GALNT2: variants seen among roughly 807,000 people sequenced by gnomAD.
GALNT2 encodes polypeptide N-acetylgalactosaminyltransferase 2, also known as UDP-GalNAc:polypeptide N-acetylgalactosaminyltransferase 2.
GALNT2 carries 31 observed loss-of-function variants against 81.4 expected under a neutral mutation model. The observed-to-expected ratio is 0.38, with a 90% CI of 0.29 to 0.51. The LOEUF (loss-of-function observed/expected upper bound fraction) is 0.51. Ranked by LOEUF, GALNT2 falls within the 20% of genes least tolerant of loss-of-function variation. The pLI is 0.87. For synonymous variants in GALNT2, 303 were observed against 287.4 expected (o/e 1.05, Z -0.55); for missense variants, 629 against 765.7 (o/e 0.82, Z 2.11).
intron 1 of GALNT2, among the ~76,000 whole-genome samples, chr1:230,075,652 A>C (rs1305840554): frequency 1.3e-5 from 2 of 152,176 alleles, no homozygotes; most frequent in African/African-American, 4.8e-5. Context: ...GCAGACACGG[A>C]ATCCTTGTGG....
At chr1:230,163,034 C>T (rs1245927277) in intron 1 of GALNT2, among the ~76,000 whole-genome samples, 1 of 152,182 alleles carries the variant, frequency 6.6e-6, no homozygotes, top group Non-Finnish European at 1.5e-5. Flanking sequence ...GTTGAGTTTT[C>T]AGTGAACCTT....
Position 230,279,317 on chromosome 1 carries a change from C to G in GALNT2, c.1575C>G (p.Ile525Met). The change falls in exon 16 of 16, where the codon ATC becomes ATG. Residue 525 changes from isoleucine (I) to methionine (M), a missense_variant. By Grantham distance (10) the Ile-to-Met change is conservative. Transcript: ENST00000366672. This position sits in a 1 kb window ranked among gnomAD's most constrained non-coding sequence, Gnocchi z 4.6. ...ENDSRQKWEQ[I>M]EGNSKLRHVG... is the part of the protein sequence containing the mutation. ...GTGTCTTGCAGAAATGGGAACAGAT[C>G]GAGGGCAACTCCAAGCTGAGGCACG... is the stretch of plus-strand genomic sequence containing the variant. The G allele has an allele frequency of 6.2e-7, 1 of 1,614,054 alleles. No homozygotes were observed. Among genetic ancestry groups the G allele is most frequent in the Non-Finnish European group, 8.5e-7 (1 of 1,179,980 alleles).
At chr1:230,090,822 C>G (rs1306132271) in intron 1 of GALNT2, among the ~76,000 whole-genome samples, 1 of 152,196 alleles carries the variant, frequency 6.6e-6, no homozygotes, top group Non-Finnish European at 1.5e-5. Flanking sequence ...CTTGGGCTAT[C>G]TCAGACTTAG....
intron 3 of GALNT2, among the ~76,000 whole-genome samples, chr1:230,232,803 A>G (rs746495938): frequency 2.6e-5 from 4 of 152,210 alleles, no homozygotes; most frequent in Non-Finnish European, 4.4e-5. Flanking sequence ...AAGAAAAACC[A>G]GCCTGTCAGT....
intron 1 of GALNT2, among the ~76,000 whole-genome samples, chr1:230,060,534 C>T (rs572988000): frequency 8.1e-4 from 123 of 152,042 alleles, no homozygotes; most frequent in Middle Eastern, 3.4e-3. Context: ...ACCACCACCA[C>T]CCCCACCCAG....
intron 1 of GALNT2, among the ~76,000 whole-genome samples, chr1:230,085,278 G>C (rs762857912): frequency 6.6e-6 from 1 of 152,158 alleles, no homozygotes; most frequent in East Asian, 1.9e-4. Context: ...TAAGGAATCC[G>C]GGAGTGGCCA....
At chr1:230,102,678 CACTT>C (rs778776568) in intron 1 of GALNT2, among the ~76,000 whole-genome samples, 8 of 152,196 alleles carry the variant, frequency 5.3e-5, no homozygotes, top group Non-Finnish European at 1.0e-4. Flanking sequence ...GAATGACAGA[CACTT>C]AGTGTGATGA....
At chr1:230,215,991 G>A (rs574297034) in intron 3 of GALNT2, among the ~76,000 whole-genome samples, 1 of 152,358 alleles carries the variant, frequency 6.6e-6, no homozygotes, top group African/African-American at 2.4e-5. Flanking sequence ...CTGTCACACT[G>A]AGATGGTATT....
At chr1:230,117,518 A>C (rs1486820734) in intron 1 of GALNT2, among the ~76,000 whole-genome samples, 1 of 152,202 alleles carries the variant, frequency 6.6e-6, no homozygotes, top group African/African-American at 2.4e-5. Context: ...GGCCATTGTA[A>C]GGTTACCAAT....
intron 1 of GALNT2, among the ~76,000 whole-genome samples, chr1:230,128,572 A>G (rs1301835129): frequency 1.3e-5 from 2 of 149,134 alleles, no homozygotes; most frequent in Non-Finnish European, 3.0e-5. Context: ...GAGAAAGTAA[A>G]ACAGGAATGA....
At chr1:230,231,684 G>C (rs549784577) in intron 3 of GALNT2, among the ~76,000 whole-genome samples, 2 of 152,192 alleles carry the variant, frequency 1.3e-5, no homozygotes, top group Non-Finnish European at 2.9e-5. Context: ...GGTACTGAAA[G>C]CCATCTAATC....
chr1:230,137,236 T>A (rs983075844), intron 1 of GALNT2, among the ~76,000 whole-genome samples: 1 of 152,230 alleles, frequency 6.6e-6, no homozygotes, highest in Admixed American at 6.5e-5. Flanking sequence ...ATCAGTGATC[T>A]GTCCCGCTGC....
At chr1:230,114,929 G>T (rs4846832) in intron 1 of GALNT2, among the ~76,000 whole-genome samples, 1 of 151,120 alleles carries the variant, frequency 6.6e-6, no homozygotes, top group Admixed American at 6.6e-5. Flanking sequence ...GTTTCCCTTC[G>T]CAAGAGTTAT....
At chr1:230,131,033 T>C (rs1481687006) in intron 1 of GALNT2, among the ~76,000 whole-genome samples, 20 of 152,120 alleles carry the variant, frequency 1.3e-4, no homozygotes, top group Non-Finnish European at 2.9e-5. Flanking sequence ...TTAAAAAAAC[T>C]AGGCATCTCG....
intron 1 of GALNT2, among the ~76,000 whole-genome samples, chr1:230,153,955 C>T (rs76821325): frequency 0.01 from 1,567 of 152,338 alleles, 30 homozygotes; most frequent in African/African-American, 0.036. Context: ...GCAGATTTAT[C>T]GTGTGGGTCT....
chr1:230,141,964 G>GT (rs1273012779), intron 1 of GALNT2, among the ~76,000 whole-genome samples: 6 of 151,648 alleles, frequency 4.0e-5, no homozygotes, highest in Non-Finnish European at 7.4e-5. Context: ...TTTTTTGTTT[G>GT]TTTTTTTGTT....
At chr1:230,084,801 A>G (rs1659850921) in intron 1 of GALNT2, among the ~76,000 whole-genome samples, 1 of 152,152 alleles carries the variant, frequency 6.6e-6, no homozygotes, top group Non-Finnish European at 1.5e-5. Context: ...TCTGACTGGT[A>G]ACATGCTGTG....
intron 1 of GALNT2, among the ~76,000 whole-genome samples, chr1:230,098,365 G>A (rs892962472): frequency 2.6e-5 from 4 of 152,020 alleles, no homozygotes; most frequent in Admixed American, 2.6e-4. Context: ...TGTGAATTGT[G>A]TAGTGCAGAG....
At chr1:230,229,291 C>T (rs574596761) in intron 3 of GALNT2, among the ~76,000 whole-genome samples, 5 of 152,146 alleles carry the variant, frequency 3.3e-5, no homozygotes, top group Admixed American at 1.3e-4. Context: ...CATGAATAAA[C>T]AGTTAACAGC....
Sources: allele counts gnomAD v4.1 joint callset (sites outside exome capture counted in the v4.1 genomes callset), GRCh38; gene constraint gnomAD v4.1.1; non-coding constraint Gnocchi (gnomAD v3.1); transcripts MANE v1.5; gene names NCBI Gene and HGNC (gene_info 2026-07-23, HGNC 2026-07-21).